The following MTMR10 variants were observed in gnomAD, a reference collection of about 807,000 sequenced individuals.
The protein encoded by MTMR10 is myotubularin-related protein 10.
In MTMR10, 56 loss-of-function variants were observed where a neutral mutation model predicts 88.1. That is an observed-to-expected ratio of 0.64 (90% CI 0.51 to 0.79). The LOEUF (loss-of-function observed/expected upper bound fraction) is 0.79, where lower values mean the gene tolerates loss of function less well. MTMR10 is among the 30% of genes least tolerant of loss of function. MTMR10 has a pLI of 0.00. For synonymous variants in MTMR10, 380 were observed against 340.9 expected, an observed-to-expected ratio of 1.11 and a Z score of -1.26; for missense variants, 883 against 924.7, an observed-to-expected ratio of 0.95 and a Z score of 0.58.
Position 30,941,153 on chromosome 15 carries a change from C to CT in MTMR10, c.*316dup. Reference sequence around the variant, plus strand: ...CTGCTGCCTGGGGCTGCTAATGTGACTGACTATCAGATAGCCTTCAGGAGG... The same window carrying CT: ...CTGCTGCCTGGGGCTGCTAATGTGACTTGACTATCAGATAGCCTTCAGGAGG... On this transcript the variant is annotated 3_prime_UTR_variant, in exon 16 of 16. Coordinates refer to ENST00000435680, the MANE Select transcript of MTMR10 (RefSeq NM_017762.3). The CT allele has an allele frequency of 1.6e-6, 1 of 617,346 alleles. No homozygotes were observed. Among genetic ancestry groups the CT allele is most frequent in the Non-Finnish European group, 2.3e-6 (1 of 439,886 alleles). 38.2% of individuals were successfully genotyped at this position (617,346 alleles called of 1,614,324 possible). A position where few individuals can be genotyped will look rare whatever the true frequency, so the allele number is the denominator to read the frequency against.
chr15:30,922,220 T>C, the MTMR10 span: 69 of 1,596,452 alleles, frequency 4.3e-5, no homozygotes, highest in Admixed American at 3.4e-4. Flanking sequence ...GGTTTCTTTG[T>C]TATTGTTGCA....
chr15:30,946,008 TGGGTTCCC>T (rs1446589868), intron 14 of MTMR10, among the ~76,000 whole-genome samples: 1 of 152,214 alleles, frequency 6.6e-6, no homozygotes, highest in Non-Finnish European at 1.5e-5. Flanking sequence ...CTTTGAGCCC[TGGGTTCCC>T]CAAAAGTGGC....
At chr15:30,971,991 G>A (rs770985095) in intron 5 of MTMR10, among the ~76,000 whole-genome samples, 6 of 152,148 alleles carry the variant, frequency 3.9e-5, no homozygotes, top group Non-Finnish European at 8.8e-5. Context: ...TTAACAAAAT[G>A]TGAACCAATT....
At chr15:30,950,384 G>A (rs932206062) in intron 12 of MTMR10, 1 of 152,034 alleles carries the variant, frequency 6.6e-6, no homozygotes, top group African/African-American at 2.4e-5. Flanking sequence ...ACTTCTGCAA[G>A]CCTGGCCAGG....
intron 4 of MTMR10, 142 bp downstream of exon 4, chr15:30,974,789 T>G: frequency 1.9e-6 from 1 of 526,694 alleles, no homozygotes; most frequent in Non-Finnish European, 3.2e-6. Flanking sequence ...TATCCCTCTT[T>G]ATGTTCCCGG....
rs117118229 is a variant in MTMR10, at chr15:30,953,377, C to T, written c.1136+185G>A. Among the ~76,000 whole-genome samples, 31 of 152,308 alleles carry T rather than the reference C, an allele frequency of 2.0e-4. 1 individual carries two copies. The East Asian group carries it at 5.8e-3, about 28-fold the overall frequency. On this transcript the variant is annotated intron_variant, in intron 11 of 15. Transcript: ENST00000435680. ...GCATGTATGAACTGGTGAGTAAGAGCTATCCAGTGTCCCAGTGTCAGCTTC... is the reference window on the plus strand; with the variant it reads ...GCATGTATGAACTGGTGAGTAAGAGTTATCCAGTGTCCCAGTGTCAGCTTC...
At chr15:30,973,346 T>G (rs895291385) in intron 5 of MTMR10, among the ~76,000 whole-genome samples, 1 of 152,032 alleles carries the variant, frequency 6.6e-6, no homozygotes, top group African/African-American at 2.4e-5. Context: ...TTTTCATATA[T>G]TCATCTCCTG....
chr15:30,938,896 A>G (rs2062945192), downstream of MTMR10: 1 of 984,342 alleles, frequency 1.0e-6, no homozygotes, highest in Non-Finnish European at 1.2e-6. Context: ...CACCTCTTCT[A>G]TCAATCACTG....
chr15:30,929,094 A>T, the MTMR10 span: 2 of 901,174 alleles, frequency 2.2e-6, no homozygotes, highest in African/African-American at 3.5e-5. Flanking sequence ...TTTGAGAGAA[A>T]GAATGTATCG....
intron 2 of MTMR10, among the ~76,000 whole-genome samples, chr15:30,987,340 C>A (rs950636767): frequency 3.3e-5 from 5 of 152,200 alleles, no homozygotes; most frequent in Non-Finnish European, 7.3e-5. Context: ...TGTGAGACAT[C>A]AAGACCACAA....
the MTMR10 span, among the ~76,000 whole-genome samples, chr15:30,933,132 G>A: frequency 6.6e-6 from 1 of 152,114 alleles, no homozygotes; most frequent in Non-Finnish European, 1.5e-5. Context: ...AGTCTGGCAG[G>A]AGGTTTATCA....
chr15:30,948,185 A>T (rs1329742478), intron 13 of MTMR10, 117 bp downstream of exon 13: 4 of 923,920 alleles, frequency 4.3e-6, no homozygotes, highest in Non-Finnish European at 6.2e-6. Context: ...CTTTGGACTA[A>T]GGAAATTAAG....
At chr15:30,972,366 T>C (rs2063547541) in intron 5 of MTMR10, among the ~76,000 whole-genome samples, 2 of 152,000 alleles carry the variant, frequency 1.3e-5, no homozygotes, top group Admixed American at 6.6e-5. Flanking sequence ...TTGCATCTAT[T>C]TTTTTTTCCT....
chr15:30,974,313 C>T lies in MTMR10; in HGVS notation c.474+1G>A, dbSNP rs373002478. 1 of 1,594,532 alleles carries T rather than the reference C, an allele frequency of 6.3e-7. No homozygotes were observed. The highest frequency in any genetic ancestry group is 8.6e-7 in the Non-Finnish European group (1 of 1,169,344). Reference sequence around the variant, plus strand: ...AACTTGATAAACCTTAACAGTATTACCTTTTTAGCACTTTCGGGACCTGAT... The same window carrying T: ...AACTTGATAAACCTTAACAGTATTATCTTTTTAGCACTTTCGGGACCTGAT... On this transcript the variant is annotated splice_donor_variant, in intron 5 of 15. Coordinates refer to ENST00000435680, the MANE Select transcript of MTMR10 (RefSeq NM_017762.3). LOFTEE classifies it high-confidence loss of function.
rs2063018518 is a variant in MTMR10 at position 30,940,765 on chromosome 15, A to C, written c.*705T>G. 3.0e-6 allele frequency: 3 copies of C among 988,566 alleles called. No homozygotes were observed. In the South Asian group the frequency reaches 1.4e-4, roughly 46 times the overall value. The allele number at this position is 988,566 out of a possible 1,614,324, so 61.2% of individuals were successfully genotyped here. ...TATGCAATGGGATTTTCCCACCCCA[A>C]TTTTAAAAAGTGAAATTATATTTTC... On this transcript the variant is annotated 3_prime_UTR_variant, in exon 16 of 16. Transcript: ENST00000435680.
At chr15:30,984,640 C>G (rs2030820083) in intron 2 of MTMR10, among the ~76,000 whole-genome samples, 1 of 152,134 alleles carries the variant, frequency 6.6e-6, no homozygotes, top group Non-Finnish European at 1.5e-5. Context: ...ACAACAATGG[C>G]TATTTTCATT....
At chr15:30,989,309 T>C (rs2031155857) in intron 2 of MTMR10, among the ~76,000 whole-genome samples, 1 of 152,134 alleles carries the variant, frequency 6.6e-6, no homozygotes, top group East Asian at 1.9e-4. Context: ...AATGATTAAT[T>C]AGTACACACT....
Position 30,960,887 on chromosome 15 carries a change from G to C in MTMR10, c.752C>G (p.Ser251Cys). The C allele has an allele frequency of 6.3e-7, 1 of 1,597,092 alleles. No individual in the cohort carries two copies. Among genetic ancestry groups the C allele is most frequent in the East Asian group, 2.3e-5 (1 of 44,382 alleles). ...VCSINEGYMISTCLPEYIVVP... is the reference protein window; with the variant it reads ...VCSINEGYMICTCLPEYIVVP... The stretch of plus-strand genomic sequence containing the variant: ...TTGCTAAAATTGTACTTACCAAGTG[G>C]ATATCATGTAACCCTCGTTAATAGA... The change falls in exon 7 of 16, where the codon TCC (serine) becomes TGC (cysteine). Residue 251 changes from serine (S) to cysteine (C), a missense_variant. This residue lies in a region of MTMR10 where 414 missense variants were observed against 423.2 expected (regional missense o/e 0.98). Coordinates refer to ENST00000435680, the MANE Select transcript of MTMR10 (RefSeq NM_017762.3).
chr15:30,981,364 T>G (rs1185013085), intron 2 of MTMR10, among the ~76,000 whole-genome samples: 1 of 152,190 alleles, frequency 6.6e-6, no homozygotes, highest in African/African-American at 2.4e-5. Flanking sequence ...CACTTTAACC[T>G]GAAGTGATCG....
Sources: gnomAD v4.1 joint callset for allele counts (sites outside exome capture counted in the v4.1 genomes callset) on GRCh38, gnomAD v4.1.1 for gene constraint, gnomAD v4.1.1 regional missense constraint, MANE v1.5 for transcripts, NCBI Gene and HGNC (gene_info 2026-07-23, HGNC 2026-07-21) for gene names.